The following RCAN2 variants were observed in gnomAD, a reference collection of about 807,000 sequenced individuals.
RCAN2 encodes regulator of calcineurin 2.
RCAN2 carries 9 observed loss-of-function variants against 23.6 expected under a neutral mutation model. The ratio of observed to expected loss-of-function variants is 0.38; its 90% confidence interval spans 0.23 to 0.67. The LOEUF is 0.67. Among genes scored for constraint, RCAN2 ranks in the 30% least tolerant of loss-of-function variants. The pLI, the probability that RCAN2 is intolerant of heterozygous loss-of-function variation, is 0.51. For missense variants in RCAN2, 273 were observed against 302.3 expected (o/e 0.90, Z 0.72); for synonymous variants, 109 against 115.7 (o/e 0.94, Z 0.37).
chr6:46,308,641 T>C (rs1039645500), intron 2 of RCAN2, among the ~76,000 whole-genome samples: 1 of 152,154 alleles, frequency 6.6e-6, no homozygotes, highest in Non-Finnish European at 1.5e-5. Flanking sequence ...AACTATGTCA[T>C]ATAAAGAATT....
intron 2 of RCAN2, among the ~76,000 whole-genome samples, chr6:46,379,725 A>G (rs1362922800): frequency 6.6e-6 from 1 of 152,176 alleles, no homozygotes; most frequent in Non-Finnish European, 1.5e-5. Flanking sequence ...TGCAGCCTTA[A>G]TGACATCTCC....
chr6:46,415,950 T>C (rs964001170), intron 2 of RCAN2, among the ~76,000 whole-genome samples: 11 of 152,226 alleles, frequency 7.2e-5, no homozygotes, highest in African/African-American at 2.7e-4. Flanking sequence ...ATCATTTAAA[T>C]CAACTGTAGA....
At chr6:46,342,591 C>T (rs780901514) in intron 2 of RCAN2, among the ~76,000 whole-genome samples, 16 of 64,264 alleles carry the variant, frequency 2.5e-4, no homozygotes, top group South Asian at 5.0e-4. Context: ...CAGAAGAACA[C>T]GACCTACATA....
At chr6:46,469,888 G>A (rs972708676) in intron 1 of RCAN2, among the ~76,000 whole-genome samples, 2 of 152,118 alleles carry the variant, frequency 1.3e-5, no homozygotes, top group African/African-American at 4.8e-5. Context: ...CTTTGGCCAT[G>A]TGAGGACACA....
At chr6:46,321,368 G>C (rs969173040) in intron 2 of RCAN2, among the ~76,000 whole-genome samples, 2 of 152,198 alleles carry the variant, frequency 1.3e-5, no homozygotes, top group African/African-American at 4.8e-5. Context: ...CCTAGGCCTA[G>C]AGCATTGCCT....
At chr6:46,272,483 G>A (rs1767552902) in intron 2 of RCAN2, among the ~76,000 whole-genome samples, 1 of 152,148 alleles carries the variant, frequency 6.6e-6, no homozygotes, top group Non-Finnish European at 1.5e-5. Context: ...ACTTAATCCT[G>A]TTAGGTGGTA....
At chr6:46,368,815 A>G (rs1160090981) in intron 2 of RCAN2, among the ~76,000 whole-genome samples, 1 of 152,158 alleles carries the variant, frequency 6.6e-6, no homozygotes, top group East Asian at 1.9e-4. Context: ...GGCCTAGAAC[A>G]TTCACTTTAT....
chr6:46,421,504 A>G (rs1766889600), intron 2 of RCAN2, among the ~76,000 whole-genome samples: 2 of 152,262 alleles, frequency 1.3e-5, no homozygotes, highest in South Asian at 4.1e-4. Context: ...TGTTAAATTT[A>G]AGATGACAGT....
chr6:46,318,996 C>G lies in RCAN2; in HGVS notation c.226-70100G>C, dbSNP rs377567525. Among the ~76,000 whole-genome samples, 9 of 152,140 alleles carry G rather than the reference C, an allele frequency of 5.9e-5. No individual in the cohort carries two copies. In the East Asian group the frequency reaches 1.7e-3, roughly 29 times the overall value. The stretch of plus-strand genomic sequence containing the variant: ...TCAAAATTTCCAGTTGAAATTACCT[C>G]TCCATGTGTTTTTAAAATTCTATTT... On this transcript the variant is annotated intron_variant, in intron 2 of 4. Transcript: ENST00000371374.
intron 2 of RCAN2, chr6:46,438,470 C>T (rs938455351): frequency 1.3e-5 from 2 of 152,214 alleles, no homozygotes. Context: ...ATAAGAGTGA[C>T]ACATCATGGA....
chr6:46,331,117 A>C (rs1266730406), intron 2 of RCAN2, among the ~76,000 whole-genome samples: 1 of 152,226 alleles, frequency 6.6e-6, no homozygotes, highest in East Asian at 1.9e-4. Flanking sequence ...CTTCTCATCT[A>C]CTATTTAGTT....
chr6:46,452,418 G>A (rs1767907190), intron 2 of RCAN2, among the ~76,000 whole-genome samples: 1 of 152,198 alleles, frequency 6.6e-6, no homozygotes, highest in African/African-American at 2.4e-5. Flanking sequence ...GTTCATGATA[G>A]GTTAGCTAGG....
chr6:46,428,929 G>A (rs1332191079), intron 2 of RCAN2, among the ~76,000 whole-genome samples: 1 of 151,984 alleles, frequency 6.6e-6, no homozygotes, highest in Non-Finnish European at 1.5e-5. Context: ...TTACTTTTAG[G>A]AATGAGAGTA....
At chr6:46,224,580 C>G (rs1043817364) in intron 4 of RCAN2, among the ~76,000 whole-genome samples, 2 of 152,182 alleles carry the variant, frequency 1.3e-5, no homozygotes, top group Non-Finnish European at 2.9e-5. Flanking sequence ...GCCTCACTTC[C>G]CCTCCAGAGT....
intron 4 of RCAN2, among the ~76,000 whole-genome samples, chr6:46,233,721 CTT>C (rs1240948992): frequency 3.8e-5 from 5 of 130,744 alleles, no homozygotes; most frequent in Admixed American, 7.8e-5. Context: ...AAGAACACTT[CTT>C]TTTTTTTTTT....
chr6:46,479,583 C>CTTTTTT (rs57590590), intron 1 of RCAN2, among the ~76,000 whole-genome samples: 1 of 89,250 alleles, frequency 1.1e-5, no homozygotes, highest in Non-Finnish European at 2.1e-5. Context: ...TCTGTCTCAC[C>CTTTTTT]TTTTTTTTTT....
chr6:46,389,630 T>C (rs1254431203), intron 2 of RCAN2, among the ~76,000 whole-genome samples: 1 of 152,174 alleles, frequency 6.6e-6, no homozygotes, highest in East Asian at 1.9e-4. Context: ...TGTCAGACTA[T>C]TATATAGGTG....
chr6:46,484,882 C>T (rs871728), intron 1 of RCAN2, among the ~76,000 whole-genome samples: 67,733 of 152,108 alleles, frequency 0.45, 17,371 homozygotes, highest in Non-Finnish European at 0.59. Flanking sequence ...GGGGCTATCT[C>T]TGGAAAGCAC....
intron 2 of RCAN2, among the ~76,000 whole-genome samples, chr6:46,265,271 G>A (rs181114543): frequency 3.6e-4 from 55 of 152,244 alleles, no homozygotes; most frequent in Admixed American, 1.2e-3. Context: ...GGTTTCCTCC[G>A]TGTGTGTGGG....
Sources: gnomAD v4.1 joint callset for allele counts (sites outside exome capture counted in the v4.1 genomes callset) on GRCh38, gnomAD v4.1.1 for gene constraint, MANE v1.5 for transcripts, NCBI Gene and HGNC (gene_info 2026-07-23, HGNC 2026-07-21) for gene names.